Variants in SYNGR1 observed in about 807,000 individuals in gnomAD.
SYNGR1 encodes synaptogyrin 1.
In SYNGR1, 14 loss-of-function variants were observed where a neutral mutation model predicts 26.1. The ratio of observed to expected loss-of-function variants is 0.54; its 90% CI spans 0.35 to 0.84. SYNGR1 has a LOEUF of 0.84. Ranked by LOEUF, SYNGR1 falls within the 40% of genes least tolerant of loss-of-function variation. SYNGR1 has a pLI of 0.01. For missense variants in SYNGR1, 319 were observed against 332.9 expected (o/e 0.96, Z 0.33); for synonymous variants, 141 against 150.1 (o/e 0.94, Z 0.44).
At chr22:39,353,188 T>G (rs1923994407) in intron 1 of SYNGR1, among the ~76,000 whole-genome samples, 1 of 152,132 alleles carries the variant, frequency 6.6e-6, no homozygotes, top group South Asian at 2.1e-4. Flanking sequence ...GTAAAATTTG[T>G]AAAAGAAAGA....
At chr22:39,367,373 G>A (rs1324426799) in intron 1 of SYNGR1, among the ~76,000 whole-genome samples, 3 of 152,204 alleles carry the variant, frequency 2.0e-5, no homozygotes, top group East Asian at 3.9e-4. Flanking sequence ...TGTAGCAGGC[G>A]GTAGGGACAG....
chr22:39,365,911 T>C (rs1033419067), intron 1 of SYNGR1, among the ~76,000 whole-genome samples: 4 of 151,260 alleles, frequency 2.6e-5, no homozygotes, highest in African/African-American at 9.7e-5. Flanking sequence ...TTGGTCAGGC[T>C]GGTCTCAAGC....
At chr22:39,365,411 C>T (rs1340025780) in intron 1 of SYNGR1, among the ~76,000 whole-genome samples, 4 of 152,180 alleles carry the variant, frequency 2.6e-5, no homozygotes, top group Non-Finnish European at 5.9e-5. Context: ...TCCCTAGAAG[C>T]GGCTCTGAAA....
chr22:39,370,774 C>T (rs1173956644), intron 1 of SYNGR1, among the ~76,000 whole-genome samples: 6 of 152,182 alleles, frequency 3.9e-5, no homozygotes, highest in South Asian at 2.1e-4. Context: ...TGTGCCACCA[C>T]GCCCAGCTAA....
intron 1 of SYNGR1, among the ~76,000 whole-genome samples, chr22:39,366,667 G>A (rs953108059): frequency 6.6e-6 from 1 of 151,978 alleles, no homozygotes. Context: ...TATATATTCA[G>A]CACCCACCAC....
intron 3 of SYNGR1, chr22:39,377,089 G>A: frequency 6.5e-7 from 1 of 1,549,512 alleles, no homozygotes; most frequent in Non-Finnish European, 8.7e-7. Flanking sequence ...CTCCCCTCTG[G>A]ACCGGCGAGC....
intron 1 of SYNGR1, among the ~76,000 whole-genome samples, chr22:39,359,852 G>T (rs994050043): frequency 6.6e-6 from 1 of 151,838 alleles, no homozygotes; most frequent in Non-Finnish European, 1.5e-5. Flanking sequence ...GTAGCCTCTC[G>T]CACTCCCTGA....
At chr22:39,381,308 T>C (rs1925490490) in intron 3 of SYNGR1, among the ~76,000 whole-genome samples, 3 of 152,192 alleles carry the variant, frequency 2.0e-5, no homozygotes, top group Admixed American at 2.0e-4. Flanking sequence ...AGAATGACTC[T>C]TAGGAGATGC....
chr22:39,359,262 C>T (rs1422539894), intron 1 of SYNGR1, among the ~76,000 whole-genome samples: 2 of 152,096 alleles, frequency 1.3e-5, no homozygotes, highest in Non-Finnish European at 2.9e-5. Flanking sequence ...AATCTCACAC[C>T]AGCACTGGGT....
At chr22:39,361,555 T>A (rs907252594) in intron 1 of SYNGR1, among the ~76,000 whole-genome samples, 4 of 151,866 alleles carry the variant, frequency 2.6e-5, no homozygotes, top group African/African-American at 4.8e-5. Flanking sequence ...GAGATGGGTC[T>A]CACCATGTTG....
intron 1 of SYNGR1, among the ~76,000 whole-genome samples, chr22:39,358,395 C>A (rs572980221): frequency 1.3e-5 from 2 of 152,202 alleles, no homozygotes; most frequent in Admixed American, 1.3e-4. Context: ...GCATTGGCAA[C>A]CTGCTCAGTT....
At chr22:39,377,856 C>A in intron 3 of SYNGR1, 10 of 1,500,220 alleles carry the variant, frequency 6.7e-6, no homozygotes, top group Non-Finnish European at 8.9e-6. Context: ...ATTCCTTCAC[C>A]GCCTCCTTCA....
At chr22:39,352,709 G>C (rs1923963786) in intron 1 of SYNGR1, among the ~76,000 whole-genome samples, 1 of 152,174 alleles carries the variant, frequency 6.6e-6, no homozygotes. Context: ...GTTTATCCTG[G>C]TGTGCTGGAA....
chr22:39,364,039 G>A, intron 1 of SYNGR1: 1 of 1,257,626 alleles, frequency 8.0e-7, no homozygotes, highest in Non-Finnish European at 1.1e-6. Flanking sequence ...CTCGCCCTGA[G>A]CCTTCGTTAG....
At chr22:39,358,323 C>G (rs901644062) in intron 1 of SYNGR1, among the ~76,000 whole-genome samples, 3 of 152,182 alleles carry the variant, frequency 2.0e-5, no homozygotes, top group Non-Finnish European at 2.9e-5. Flanking sequence ...CCACTCGGCT[C>G]TACCAATCAG....
chr22:39,368,715 C>T (rs1052665008), intron 1 of SYNGR1, among the ~76,000 whole-genome samples: 12 of 152,224 alleles, frequency 7.9e-5, no homozygotes, highest in Non-Finnish European at 1.5e-4. Context: ...CCTCCCACCT[C>T]CTCTCTGTCT....
chr22:39,378,439 C>T lies in SYNGR1; in HGVS notation c.483+2242C>T, dbSNP rs577177822. On this transcript the variant is annotated intron_variant, in intron 3 of 3. Coordinates refer to ENST00000328933, the MANE Select transcript of SYNGR1 (RefSeq NM_004711.5). ...GTCAGGGGCACCTCCAGAATCTCTA[C>T]TTTAAGAGTAATTCTCATGTGATGA... 1.5e-5 allele frequency: 15 copies of T among 984,772 alleles called. No homozygotes were observed. The African/African-American group carries it at 2.6e-4, about 17-fold the overall frequency. 61.0% of individuals were successfully genotyped at this position (984,772 alleles called of 1,614,324 possible).
chr22:39,357,165 C>G (rs1458141841), intron 1 of SYNGR1, among the ~76,000 whole-genome samples: 6 of 152,084 alleles, frequency 3.9e-5, no homozygotes, highest in African/African-American at 1.4e-4. Flanking sequence ...ACTCCAGAGG[C>G]TGAGGCACGA....
intron 2 of SYNGR1, 39 bp downstream of exon 2, chr22:39,374,592 A>G (rs4821888): frequency 0.67 from 1,074,391 of 1,604,544 alleles, 365,385 homozygotes; most frequent in East Asian, 1. Context: ...CACAGAGTCT[A>G]CAGAGGGCTG....
Sources: gnomAD v4.1 joint callset for allele counts (sites outside exome capture counted in the v4.1 genomes callset) on GRCh38, gnomAD v4.1.1 for gene constraint, MANE v1.5 for transcripts, NCBI Gene and HGNC (gene_info 2026-07-23, HGNC 2026-07-21) for gene names.